PSD2: variants seen among roughly 807,000 people sequenced by gnomAD.
The protein encoded by PSD2 is pleckstrin and Sec7 domain containing 2, also known as PH and SEC7 domain-containing protein 2.
Under a neutral mutation model 69.8 loss-of-function variants are expected in PSD2, and 38 were observed. The observed-to-expected ratio is 0.54, with a 90% CI of 0.42 to 0.71. The LOEUF is 0.71. Ranked by LOEUF, PSD2 falls within the 30% of genes least tolerant of loss-of-function variation. The pLI, the probability that PSD2 is intolerant of heterozygous loss-of-function variation, is 0.00. For synonymous variants in PSD2, 412 were observed against 423.0 expected (o/e 0.97, Z 0.32); for missense variants, 943 against 1,014.5 (o/e 0.93, Z 0.96).
chr5:139,769,261 C>A, the PSD2 span, among the ~76,000 whole-genome samples: 1 of 152,034 alleles, frequency 6.6e-6, no homozygotes, highest in Non-Finnish European at 1.5e-5. Flanking sequence ...ACGGCTGCAG[C>A]AGAGCAGGTG....
chr5:139,829,095 T>C (rs1760504233), intron 7 of PSD2, among the ~76,000 whole-genome samples: 1 of 152,174 alleles, frequency 6.6e-6, no homozygotes, highest in Admixed American at 6.5e-5. Flanking sequence ...ATGATCTGGG[T>C]GCATGTCTTT....
At chr5:139,755,728 C>G in the PSD2 span, among the ~76,000 whole-genome samples, 2,739 of 151,458 alleles carry the variant, frequency 0.018, 69 homozygotes, top group African/African-American at 0.063. Flanking sequence ...GTGTGTGATG[C>G]TGTGACTGTG....
the PSD2 span, among the ~76,000 whole-genome samples, chr5:139,776,629 G>C: frequency 1.3e-5 from 2 of 151,216 alleles, no homozygotes; most frequent in Non-Finnish European, 2.9e-5. Context: ...AGACATGGTC[G>C]CAGAGCTCCC....
At chr5:139,801,541 C>T (rs1369529288) in intron 1 of PSD2, among the ~76,000 whole-genome samples, 1 of 152,146 alleles carries the variant, frequency 6.6e-6, no homozygotes, top group Non-Finnish European at 1.5e-5. Context: ...TCTCCCCCTC[C>T]CACCTCTTGA....
intron 6 of PSD2, 129 bp from the exon 7 acceptor site, chr5:139,822,597 C>T (rs1760298618): frequency 1.4e-6 from 1 of 694,938 alleles, no homozygotes; most frequent in Non-Finnish European, 2.3e-6. Flanking sequence ...AGGCCCTGTC[C>T]CCTGAGGTGA....
At chr5:139,766,417 C>A in the PSD2 span, among the ~76,000 whole-genome samples, 1 of 152,190 alleles carries the variant, frequency 6.6e-6, no homozygotes, top group Non-Finnish European at 1.5e-5. Context: ...GCCTGTTTCT[C>A]AGTCTTCAGC....
the PSD2 span, among the ~76,000 whole-genome samples, chr5:139,771,447 C>T: frequency 5.9e-5 from 9 of 152,048 alleles, no homozygotes; most frequent in Non-Finnish European, 1.2e-4. Flanking sequence ...GGCACAATCT[C>T]GGCTCACTGC....
the PSD2 span, among the ~76,000 whole-genome samples, chr5:139,767,543 G>C: frequency 1.3e-5 from 2 of 151,896 alleles, no homozygotes; most frequent in African/African-American, 2.4e-5. Flanking sequence ...TCGAACTCCT[G>C]ATCTCAAGTG....
rs1760813944 is a variant in PSD2, at chr5:139,839,302, G to A, written c.1968+530G>A. 6.6e-6 allele frequency among the ~76,000 whole-genome samples: 1 copy of A among 152,224 alleles called. No homozygotes were observed. The highest frequency in any genetic ancestry group is 1.5e-5 in the Non-Finnish European group (1 of 68,040). Reference sequence around the variant, plus strand: ...AGCCCCACACTTCCTCTTTGCCAGCGGCCTTTCCCACTAGGCCTTGTCCCG... The same window carrying A: ...AGCCCCACACTTCCTCTTTGCCAGCAGCCTTTCCCACTAGGCCTTGTCCCG... On this transcript the variant is annotated intron_variant, in intron 13 of 14. Transcript: ENST00000274710. This position sits in a 1 kb window ranked among gnomAD's most constrained non-coding sequence, Gnocchi z 5.1.
chr5:139,795,051 T>C (rs1759484394), upstream of PSD2, among the ~76,000 whole-genome samples: 1 of 152,130 alleles, frequency 6.6e-6, no homozygotes, highest in Non-Finnish European at 1.5e-5. The surrounding 1 kb of genome is among the most constrained non-coding windows in gnomAD (Gnocchi z 4.5). Context: ...TCTCCTTATA[T>C]CTGCCCAGGG....
At chr5:139,751,954 G>A in the PSD2 span, among the ~76,000 whole-genome samples, 4 of 152,008 alleles carry the variant, frequency 2.6e-5, no homozygotes, top group East Asian at 3.9e-4. Context: ...CACCATGCCC[G>A]GCTAATGTTA....
the PSD2 span, among the ~76,000 whole-genome samples, chr5:139,767,592 G>A: frequency 6.6e-6 from 1 of 152,216 alleles, no homozygotes; most frequent in Admixed American, 6.5e-5. Context: ...TGGGATTACA[G>A]ATGTGAGACA....
the PSD2 span, among the ~76,000 whole-genome samples, chr5:139,768,349 A>C: frequency 6.6e-6 from 1 of 152,224 alleles, no homozygotes; most frequent in Non-Finnish European, 1.5e-5. Context: ...AGATGTGTGT[A>C]GTGGGGGAGA....
At chr5:139,743,409 G>A in the PSD2 span, among the ~76,000 whole-genome samples, 3 of 152,214 alleles carry the variant, frequency 2.0e-5, no homozygotes, top group African/African-American at 7.2e-5. Context: ...GGAGCCTGCA[G>A]TGTGTGGAGG....
chr5:139,804,975 G>A (rs182876667), intron 1 of PSD2, among the ~76,000 whole-genome samples: 7 of 151,062 alleles, frequency 4.6e-5, no homozygotes, highest in South Asian at 2.1e-4. Flanking sequence ...GCGTGTGTGC[G>A]TGCGTGTGTG....
At position 139,834,704 on chromosome 5, in the gene PSD2, C is replaced by CATTG. The variant is rs202073722; in HGVS notation, c.1359+914_1359+917dup. Among the ~76,000 whole-genome samples the CATTG allele has an allele frequency of 6.4e-4, 97 of 152,228 alleles. 1 individual carries two copies. In the East Asian group the frequency reaches 0.018, roughly 29 times the overall value. On this transcript the variant is annotated intron_variant, in intron 8 of 14. Coordinates refer to ENST00000274710, the MANE Select transcript of PSD2 (RefSeq NM_032289.4). ...ATCCAAACCCCAATGTTCCATAGAACATTGTCTCCATCACTCTTCTTACTA... is the reference window on the plus strand; with the variant it reads ...ATCCAAACCCCAATGTTCCATAGAACATTGATTGTCTCCATCACTCTTCTTACTA...
chr5:139,837,302 T>C lies in PSD2; in HGVS notation c.1665+64T>C. On this transcript the variant is annotated intron_variant, in intron 11 of 14. Transcript: ENST00000274710. This position sits in a 1 kb window ranked among gnomAD's most constrained non-coding sequence, Gnocchi z 5.0. ...AGCTCAGTCCCATCCCGCCCTGGCC[T>C]TGTGGCACCCCGAAGCCCCAGGCAG... 1 of 1,437,938 alleles carries C rather than the reference T, an allele frequency of 7.0e-7. No homozygotes were observed. Among genetic ancestry groups the C allele is most frequent in the Admixed American group, 2.2e-5 (1 of 46,326 alleles). The allele number at this position is 1,437,938 out of a possible 1,614,324, so 89.1% of individuals were successfully genotyped here.
At chr5:139,762,541 C>T in the PSD2 span, among the ~76,000 whole-genome samples, 2 of 152,184 alleles carry the variant, frequency 1.3e-5, no homozygotes, top group African/African-American at 4.8e-5. Context: ...CCAGGTATCC[C>T]CTGTATTGCC....
Position 139,843,443 on chromosome 5 carries a change from G to C in PSD2, c.*969G>C, listed in dbSNP as rs542884234. 1 of 152,220 alleles carries C rather than the reference G, an allele frequency of 6.6e-6. No homozygotes were observed. The highest frequency in any genetic ancestry group is 6.5e-5 in the Admixed American group (1 of 15,282). The allele number at this position is 152,220 out of a possible 1,614,324, so 9.4% of individuals were successfully genotyped here. On this transcript the variant is annotated 3_prime_UTR_variant, in exon 15 of 15. Transcript: ENST00000274710. Reference sequence around the variant, plus strand: ...TGGGGTGTGAGTCGGATGGGACCACGGCCCTGTTTATATTTGGGTCTTTAT... The same window carrying C: ...TGGGGTGTGAGTCGGATGGGACCACCGCCCTGTTTATATTTGGGTCTTTAT...
Sources: allele counts gnomAD v4.1 joint callset (sites outside exome capture counted in the v4.1 genomes callset), GRCh38; gene constraint gnomAD v4.1.1; non-coding constraint Gnocchi (gnomAD v3.1); transcripts MANE v1.5; gene names NCBI Gene and HGNC (gene_info 2026-07-23, HGNC 2026-07-21).